Variants in KLK6 observed in about 807,000 individuals in gnomAD.
KLK6 encodes the protein kallikrein related peptidase 6, also known as kallikrein-6.
Under a neutral mutation model 21.7 loss-of-function variants are expected in KLK6, and 16 were observed. The ratio of observed to expected loss-of-function variants is 0.74; its 90% CI spans 0.50 to 1.12. The LOEUF is 1.12. Ranked by LOEUF, KLK6 falls within the 50% of genes most tolerant of loss-of-function variation. The pLI is 0.00. For synonymous variants in KLK6, 116 were observed against 120.1 expected (o/e 0.97, Z 0.22); for missense variants, 276 against 304.6 (o/e 0.91, Z 0.70).
intron 4 of KLK6, among the ~76,000 whole-genome samples, chr19:50,964,327 C>A (rs950483701): frequency 6.6e-6 from 1 of 152,220 alleles, no homozygotes; most frequent in Non-Finnish European, 1.5e-5. Flanking sequence ...CTATCTCCCT[C>A]CCCTGCTTTC....
intron 5 of KLK6, 55 bp downstream of exon 5, chr19:50,963,247 G>T: frequency 6.4e-7 from 1 of 1,573,782 alleles, no homozygotes; most frequent in South Asian, 1.2e-5. Flanking sequence ...CCATCCTTTG[G>T]CACACTTCCC....
intron 6 of KLK6, among the ~76,000 whole-genome samples, chr19:50,960,295 G>A (rs1337324797): frequency 1.3e-5 from 2 of 151,964 alleles, no homozygotes; most frequent in African/African-American, 2.4e-5. Flanking sequence ...CGTCCAACTT[G>A]CTATGTATCG....
Position 50,968,540 on chromosome 19 carries a change from C to T in KLK6, c.-9+1G>A, listed in dbSNP as rs1600100993. 9.4e-6 allele frequency: 1 copy of T among 106,900 alleles called. No homozygotes were observed. Among genetic ancestry groups the T allele is most frequent in the East Asian group, 2.3e-4 (1 of 4,338 alleles). The allele number at this position is 106,900 out of a possible 1,614,324, so 6.6% of individuals were successfully genotyped here. On this transcript the variant is annotated splice_donor_variant, in intron 2 of 6. Coordinates refer to ENST00000310157, the MANE Select transcript of KLK6 (RefSeq NM_002774.4). LOFTEE classifies it low-confidence loss of function (5UTR_SPLICE). ...AGGTTCTGTGATGTCTGTGATCTCA[C>T]CTGCTGCAGGCCTCCGGGCTCCGGG...
chr19:50,961,440 G>A (rs540127816), intron 6 of KLK6, among the ~76,000 whole-genome samples: 6 of 152,376 alleles, frequency 3.9e-5, no homozygotes, highest in East Asian at 1.9e-4. Flanking sequence ...CCAAAGTGCC[G>A]GGATTACAGG....
chr19:50,964,029 G>A (rs1282045472), intron 4 of KLK6, among the ~76,000 whole-genome samples: 2 of 152,124 alleles, frequency 1.3e-5, no homozygotes, highest in African/African-American at 2.4e-5. Context: ...TTCTCAACGT[G>A]GCACACCAGG....
At chr19:50,968,204 T>C (rs2090958163) in intron 2 of KLK6, 92 bp from the exon 3 acceptor site, 2 of 1,115,756 alleles carry the variant, frequency 1.8e-6, no homozygotes, top group Non-Finnish European at 2.8e-6. Context: ...CCTTCCTTCC[T>C]GGCCTGCTAT....
intron 6 of KLK6, 119 bp from the exon 7 acceptor site, chr19:50,959,435 G>A (rs935417419): frequency 1.4e-5 from 12 of 882,600 alleles, no homozygotes; most frequent in Non-Finnish European, 2.1e-5. Flanking sequence ...GAAAGGGACA[G>A]AGGTACTTAC....
Position 50,963,558 on chromosome 19 carries a change from G to A in KLK6, c.198-9C>T. The A allele has an allele frequency of 6.2e-7, 1 of 1,613,780 alleles. No homozygotes were observed. The highest frequency in any genetic ancestry group is 8.5e-7 in the Non-Finnish European group (1 of 1,179,858). ...GGAAGACCTGAAGATTCCTGGGAAG[G>A]AAGAGGGCTGGGTCTCACCTGGAGC... On this transcript the variant is annotated splice_polypyrimidine_tract_variant and intron_variant, in intron 4 of 6. Transcript: ENST00000310157.
intron 1 of KLK6, chr19:50,968,965 C>A: frequency 6.4e-6 from 1 of 157,260 alleles, no homozygotes. Flanking sequence ...GCCTGGACTC[C>A]TGGGTCTGAG....
At chr19:50,963,274 T>A in intron 5 of KLK6, 28 bp downstream of exon 5, 1 of 1,600,690 alleles carries the variant, frequency 6.2e-7, no homozygotes, top group South Asian at 1.1e-5. Context: ...GCCAGTAGCC[T>A]GCTCCCCACC....
At position 50,962,150 on chromosome 19, in the gene KLK6, C is replaced by G. The variant is rs73600171; in HGVS notation, c.446-270G>C. The G allele has an allele frequency of 8.4e-3, 3,110 of 372,236 alleles. 85 individuals carry two copies. Among genetic ancestry groups the G allele is most frequent in the African/African-American group, 0.058 (2,766 of 47,502 alleles). 23.1% of individuals were successfully genotyped at this position (372,236 alleles called of 1,614,324 possible). The stretch of plus-strand genomic sequence containing the variant: ...GGAGTCCTCATTTCCTATTGGTTTT[C>G]CTTTTCTCTTAGGTCCCTCCTCCAC... On this transcript the variant is annotated intron_variant, in intron 5 of 6. Transcript: ENST00000310157.
chr19:50,965,019 C>A (rs1281842795), intron 4 of KLK6, among the ~76,000 whole-genome samples: 1 of 152,188 alleles, frequency 6.6e-6, no homozygotes, highest in East Asian at 1.9e-4. Flanking sequence ...CCTGACCCTC[C>A]TCCATCTAAA....
intron 4 of KLK6, among the ~76,000 whole-genome samples, chr19:50,966,311 G>A (rs796903764): frequency 2.6e-5 from 4 of 152,236 alleles, no homozygotes; most frequent in African/African-American, 4.8e-5. Flanking sequence ...CCTGTTCCTC[G>A]TTGCCAGATT....
At chr19:50,959,874 G>A (rs2090796515) in intron 6 of KLK6, among the ~76,000 whole-genome samples, 1 of 49,550 alleles carries the variant, frequency 2.0e-5, no homozygotes, top group Non-Finnish European at 3.9e-5. Flanking sequence ...AGGAGGAGGA[G>A]GAAGAGGAGG....
chr19:50,960,365 T>G (rs2090822585), intron 6 of KLK6, among the ~76,000 whole-genome samples: 2 of 152,204 alleles, frequency 1.3e-5, no homozygotes, highest in African/African-American at 4.8e-5. Flanking sequence ...TGTCTCCCCC[T>G]TGGTTGGTCT....
In KLK6 at chr19:50,965,896, T is replaced by C. The variant is rs377624444; in HGVS notation, c.197+1273A>G. Among the ~76,000 whole-genome samples the C allele has an allele frequency of 2.0e-5, 3 of 152,220 alleles. No homozygotes were observed. In the East Asian group the frequency reaches 5.8e-4, roughly 30 times the overall value. On this transcript the variant is annotated intron_variant, in intron 4 of 6. Transcript: ENST00000310157. ...GTACATGGTTTCACTCAGCACCTGA[T>C]TGGTAGTTAGCATCAAACAAGTGGC...
Position 50,967,304 on chromosome 19 carries a change from T to A in KLK6, c.62A>T (p.Lys21Met). 2 of 1,611,186 alleles carry A rather than the reference T, an allele frequency of 1.2e-6. No homozygotes were observed. The highest frequency in any genetic ancestry group is 1.7e-6 in the Non-Finnish European group (2 of 1,178,096). Residue 21 changes from lysine to methionine, a missense_variant, in exon 4 of 7, where the codon AAG becomes ATG. Transcript: ENST00000310157. ...IAAAWAEEQN[K>M]LVHGGPCDKT... ...GTCGCAGGGTCCGCCATGCACCAACTTATTCTGCTCCTCTGCCCAGGCTGA... is the reference window on the plus strand; with the variant it reads ...GTCGCAGGGTCCGCCATGCACCAACATATTCTGCTCCTCTGCCCAGGCTGA...
intron 5 of KLK6, chr19:50,962,660 G>A (rs2090862050): frequency 6.5e-6 from 1 of 152,984 alleles, no homozygotes; most frequent in South Asian, 2.1e-4. Flanking sequence ...TCCCTCATTG[G>A]TCCTTTTCTA....
chr19:50,960,052 G>A (rs1202976381), intron 6 of KLK6, among the ~76,000 whole-genome samples: 17 of 69,554 alleles, frequency 2.4e-4, no homozygotes, highest in African/African-American at 7.3e-4. Flanking sequence ...GAGGAGGAGG[G>A]AGAGGAGGGG....
Sources: allele counts gnomAD v4.1 joint callset (sites outside exome capture counted in the v4.1 genomes callset), GRCh38; gene constraint gnomAD v4.1.1; transcripts MANE v1.5; gene names NCBI Gene and HGNC (gene_info 2026-07-23, HGNC 2026-07-21).